DLGAP1: variants seen among roughly 807,000 people sequenced by gnomAD.
DLGAP1 encodes the protein DLG associated protein 1.
DLGAP1 carries 11 observed loss-of-function variants against 90.8 expected under a neutral mutation model. The observed-to-expected ratio is 0.12, with a 90% CI of 0.08 to 0.20. The LOEUF is 0.20. Among genes scored for constraint, DLGAP1 ranks in the 10% least tolerant of loss-of-function variants. The pLI is 1.00. For synonymous variants in DLGAP1, 558 were observed against 540.7 expected, an observed-to-expected ratio of 1.03 and a Z score of -0.44; for missense variants, 1,050 against 1,333.8, an observed-to-expected ratio of 0.79 and a Z score of 3.31.
intron 3 of DLGAP1, among the ~76,000 whole-genome samples, chr18:4,000,479 C>T (rs1039612236): frequency 2.6e-5 from 4 of 152,160 alleles, no homozygotes; most frequent in Non-Finnish European, 5.9e-5. Flanking sequence ...TCGTAAACTA[C>T]AGGCATTATG....
rs1483805855 is a variant in DLGAP1 at position 3,561,191 on chromosome 18, G to A, written c.2057+6299C>T. Among the ~76,000 whole-genome samples, 36 of 148,686 alleles carry A rather than the reference G, an allele frequency of 2.4e-4. 3 individuals carry two copies. Among genetic ancestry groups the A allele is most frequent in the African/African-American group, 7.7e-4 (30 of 39,156 alleles). Reference sequence around the variant, plus strand: ...AGCACTTTGGGAGGCTGAGGTGGGCGGATCACCAGAGATTAGGAGTTTGAG... The same window carrying A: ...AGCACTTTGGGAGGCTGAGGTGGGCAGATCACCAGAGATTAGGAGTTTGAG... On this transcript the variant is annotated intron_variant, in intron 9 of 12. Transcript: ENST00000315677.
chr18:3,776,513 G>C (rs1256026198), intron 5 of DLGAP1, among the ~76,000 whole-genome samples: 3 of 152,078 alleles, frequency 2.0e-5, no homozygotes, highest in Admixed American at 6.6e-5. Flanking sequence ...CTTTAACATG[G>C]GACCAGTTCT....
intron 5 of DLGAP1, among the ~76,000 whole-genome samples, chr18:3,807,369 T>C (rs764708571): frequency 6.6e-5 from 10 of 152,218 alleles, no homozygotes; most frequent in Non-Finnish European, 1.5e-4. Context: ...TTATCTTTTC[T>C]GGTTTCAACA....
chr18:4,014,926 G>A (rs776632262), intron 2 of DLGAP1, among the ~76,000 whole-genome samples: 117 of 152,202 alleles, frequency 7.7e-4, no homozygotes, highest in Non-Finnish European at 1.4e-3. Flanking sequence ...AGAGTGTGTC[G>A]GTGGATGGTG....
chr18:3,781,976 ATTGTTGTTTTT>A (rs2065216192), intron 5 of DLGAP1, among the ~76,000 whole-genome samples: 1 of 152,032 alleles, frequency 6.6e-6, no homozygotes, highest in East Asian at 1.9e-4. Context: ...TGTTGTTGTT[ATTGTTGTTTTT>A]TTGTTGTTTA....
At chr18:3,896,905 T>G (rs1191765696) in intron 3 of DLGAP1, 1 of 152,326 alleles carries the variant, frequency 6.6e-6, no homozygotes, top group East Asian at 1.9e-4. Flanking sequence ...CTGCCCCATA[T>G]TCAGGAGGGT....
chr18:4,088,732 T>C (rs2075724374), intron 2 of DLGAP1, among the ~76,000 whole-genome samples: 1 of 152,120 alleles, frequency 6.6e-6, no homozygotes, highest in Non-Finnish European at 1.5e-5. Context: ...GGAAAAGGCC[T>C]TTAATAAAAT....
chr18:4,306,116 A>G (rs2080253645), intron 1 of DLGAP1, among the ~76,000 whole-genome samples: 1 of 151,754 alleles, frequency 6.6e-6, no homozygotes, highest in Non-Finnish European at 1.5e-5. Flanking sequence ...GAGAAATTAA[A>G]TAACAGCAGA....
chr18:3,813,173 C>T (rs2066926362), intron 5 of DLGAP1, among the ~76,000 whole-genome samples: 1 of 152,158 alleles, frequency 6.6e-6, no homozygotes, highest in African/African-American at 2.4e-5. Context: ...AACGACATTT[C>T]AGTTAATGAT....
chr18:3,902,839 G>C (rs892735605), intron 3 of DLGAP1, among the ~76,000 whole-genome samples: 3 of 152,014 alleles, frequency 2.0e-5, no homozygotes, highest in Non-Finnish European at 4.4e-5. Flanking sequence ...CTGGACACTA[G>C]GGAGAGTCTT....
intron 7 of DLGAP1, among the ~76,000 whole-genome samples, chr18:3,718,960 A>C (rs2147314246): frequency 6.6e-6 from 1 of 151,998 alleles, no homozygotes; most frequent in South Asian, 2.1e-4. Flanking sequence ...TAATGGCTGA[A>C]AATTTCTCAA....
At chr18:4,229,758 C>A (rs192150395) in intron 1 of DLGAP1, among the ~76,000 whole-genome samples, 19 of 151,894 alleles carry the variant, frequency 1.3e-4, no homozygotes, top group Admixed American at 2.6e-4. Flanking sequence ...AGTTAATATA[C>A]CAAAAGCACA....
chr18:4,032,082 T>C (rs1013928885), intron 2 of DLGAP1, among the ~76,000 whole-genome samples: 1 of 152,200 alleles, frequency 6.6e-6, no homozygotes, highest in African/African-American at 2.4e-5. Flanking sequence ...ATATTGGTCA[T>C]GGGGCATGAG....
intron 7 of DLGAP1, among the ~76,000 whole-genome samples, chr18:3,661,674 T>C (rs979264578): frequency 6.6e-6 from 1 of 151,674 alleles, no homozygotes; most frequent in Non-Finnish European, 1.5e-5. Flanking sequence ...CCTCCTGGGT[T>C]CAAGCAATTC....
intron 7 of DLGAP1, among the ~76,000 whole-genome samples, chr18:3,600,811 T>TATATATAG (rs2056905501): frequency 9.7e-5 from 9 of 93,248 alleles, no homozygotes; most frequent in South Asian, 6.2e-4. Flanking sequence ...GATATATAGA[T>TATATATAG]ATATATAGAT....
At chr18:3,864,967 A>G (rs2070300013) in intron 4 of DLGAP1, among the ~76,000 whole-genome samples, 1 of 151,984 alleles carries the variant, frequency 6.6e-6, no homozygotes, top group Admixed American at 6.6e-5. Context: ...TCTCCCAAAC[A>G]CTTAGTTAAC....
chr18:3,947,315 G>A (rs2072896215), intron 3 of DLGAP1, among the ~76,000 whole-genome samples: 1 of 152,190 alleles, frequency 6.6e-6, no homozygotes, highest in South Asian at 2.1e-4. Context: ...CCACAAACTA[G>A]GCTTGTCTGA....
chr18:4,239,682 T>C (rs1164282578), intron 1 of DLGAP1, among the ~76,000 whole-genome samples: 2 of 152,172 alleles, frequency 1.3e-5, no homozygotes, highest in African/African-American at 2.4e-5. Flanking sequence ...TTTCCTCAAA[T>C]GAGATGCTAA....
chr18:3,741,249 T>TCACCAC (rs1418470319), intron 6 of DLGAP1, among the ~76,000 whole-genome samples: 1 of 51,990 alleles, frequency 1.9e-5, no homozygotes, highest in Non-Finnish European at 3.4e-5. Context: ...ACCATCACCA[T>TCACCAC]CACCACCACA....
Sources: allele counts gnomAD v4.1 joint callset (sites outside exome capture counted in the v4.1 genomes callset), GRCh38; gene constraint gnomAD v4.1.1; transcripts MANE v1.5; gene names NCBI Gene and HGNC (gene_info 2026-07-23, HGNC 2026-07-21).